PTBP3: variants seen among roughly 807,000 people sequenced by gnomAD.
The protein encoded by PTBP3 is polypyrimidine tract binding protein 3.
PTBP3 carries 20 observed loss-of-function variants against 58.7 expected under a neutral mutation model. The ratio of observed to expected loss-of-function variants is 0.34; its 90% confidence interval spans 0.24 to 0.50. PTBP3 has a LOEUF of 0.50. Among genes scored for constraint, PTBP3 ranks in the 20% least tolerant of loss-of-function variants. PTBP3 has a pLI of 0.98. For missense variants in PTBP3, 509 were observed against 637.2 expected (o/e 0.80, Z 2.17); for synonymous variants, 185 against 219.8 (o/e 0.84, Z 1.40).
chr9:112,322,038 G>A (rs1357837757), intron 1 of PTBP3, among the ~76,000 whole-genome samples: 1 of 151,044 alleles, frequency 6.6e-6, no homozygotes, highest in African/African-American at 2.4e-5. Flanking sequence ...GGGAGGCTGA[G>A]GCAGGAGAAT....
chr9:112,360,152 A>G, the PTBP3 span, among the ~76,000 whole-genome samples: 1 of 152,208 alleles, frequency 6.6e-6, no homozygotes, highest in Non-Finnish European at 1.5e-5. Context: ...GGCTTGGTAC[A>G]TTATCAGAAG....
chr9:112,256,531 A>C (rs1836372296), intron 5 of PTBP3, among the ~76,000 whole-genome samples: 1 of 151,836 alleles, frequency 6.6e-6, no homozygotes, highest in African/African-American at 2.4e-5. Context: ...AGCAATATGC[A>C]ATTTTTTTTT....
chr9:112,227,993 C>T (rs141855084), intron 11 of PTBP3, among the ~76,000 whole-genome samples: 1 of 152,066 alleles, frequency 6.6e-6, no homozygotes, highest in African/African-American at 2.4e-5. Flanking sequence ...AACAGTGAAG[C>T]CATGAACCCT....
chr9:112,268,601 T>G (rs1202526040), intron 3 of PTBP3, among the ~76,000 whole-genome samples: 31 of 106,934 alleles, frequency 2.9e-4, no homozygotes, highest in African/African-American at 4.7e-4. Flanking sequence ...GGTGGGGGGG[T>G]GAGGGAGGGG....
At chr9:112,265,882 T>C (rs930974543) in intron 4 of PTBP3, among the ~76,000 whole-genome samples, 3 of 152,214 alleles carry the variant, frequency 2.0e-5, no homozygotes, top group South Asian at 2.1e-4. Flanking sequence ...CCCTCATTCC[T>C]ACATCCAAAA....
At chr9:112,227,751 G>A (rs1167412036) in intron 11 of PTBP3, 124 bp from the exon 12 acceptor site, 2 of 744,376 alleles carry the variant, frequency 2.7e-6, no homozygotes, top group East Asian at 2.7e-5. Context: ...GTTTGAGGGT[G>A]AAAAGGGTTT....
chr9:112,329,987 AGGC>A (rs1176374617), intron 1 of PTBP3, among the ~76,000 whole-genome samples: 2 of 152,072 alleles, frequency 1.3e-5, no homozygotes, highest in Non-Finnish European at 2.9e-5. Flanking sequence ...CTGGAACTAC[AGGC>A]ACGCACCACC....
At chr9:112,341,934 T>G in the PTBP3 span, among the ~76,000 whole-genome samples, 1 of 152,222 alleles carries the variant, frequency 6.6e-6, no homozygotes, top group African/African-American at 2.4e-5. Context: ...GACAACAAGA[T>G]AGCTGGTAAG....
At chr9:112,232,942 T>G (rs908869981) in intron 8 of PTBP3, among the ~76,000 whole-genome samples, 5 of 152,148 alleles carry the variant, frequency 3.3e-5, no homozygotes, top group Non-Finnish European at 5.9e-5. Flanking sequence ...CTCTAGTTTA[T>G]GCAAAATGAA....
At chr9:112,338,673 G>T in the PTBP3 span, among the ~76,000 whole-genome samples, 1 of 152,204 alleles carries the variant, frequency 6.6e-6, no homozygotes, top group Non-Finnish European at 1.5e-5. Flanking sequence ...GACTCTGACC[G>T]ACTCTGCCCA....
At chr9:112,369,728 G>C in the PTBP3 span, among the ~76,000 whole-genome samples, 1 of 152,186 alleles carries the variant, frequency 6.6e-6, no homozygotes, top group African/African-American at 2.4e-5. Flanking sequence ...GCATGATTGT[G>C]TTTTGAAATG....
chr9:112,290,686 AAAT>A (rs1450429979), intron 2 of PTBP3, among the ~76,000 whole-genome samples: 27 of 59,840 alleles, frequency 4.5e-4, no homozygotes, highest in African/African-American at 2.3e-3. Context: ...AAAAAAAAAA[AAAT>A]ATATATATAT....
intron 1 of PTBP3, among the ~76,000 whole-genome samples, chr9:112,300,172 A>C (rs572152436): frequency 6.6e-6 from 1 of 152,320 alleles, no homozygotes; most frequent in South Asian, 2.1e-4. Flanking sequence ...AATTGGTACC[A>C]CTTGGAAAAC....
chr9:112,274,892 C>T (rs1013428168), intron 3 of PTBP3, among the ~76,000 whole-genome samples: 1 of 152,160 alleles, frequency 6.6e-6, no homozygotes, highest in African/African-American at 2.4e-5. Flanking sequence ...CACAATAAGT[C>T]CCTACTGCTT....
chr9:112,360,690 A>G, the PTBP3 span, among the ~76,000 whole-genome samples: 1 of 152,236 alleles, frequency 6.6e-6, no homozygotes, highest in Non-Finnish European at 1.5e-5. Flanking sequence ...ACTCAAATGG[A>G]AAAATTTCAA....
intron 1 of PTBP3, among the ~76,000 whole-genome samples, chr9:112,316,979 A>C (rs1416604917): frequency 6.8e-6 from 1 of 146,928 alleles, no homozygotes; most frequent in Non-Finnish European, 1.5e-5. Context: ...CTCAAAAAAA[A>C]AAAAACAGTA....
At chr9:112,331,123 ACAC>A (rs1401138330) in intron 1 of PTBP3, among the ~76,000 whole-genome samples, 1 of 150,088 alleles carries the variant, frequency 6.7e-6, no homozygotes, top group Non-Finnish European at 1.5e-5. Context: ...ACACACACAC[ACAC>A]GAGAGACAGT....
At chr9:112,373,389 T>C in the PTBP3 span, among the ~76,000 whole-genome samples, 1 of 152,154 alleles carries the variant, frequency 6.6e-6, no homozygotes. Flanking sequence ...CCTTTTCACA[T>C]TTTTTCTGCC....
intron 1 of PTBP3, among the ~76,000 whole-genome samples, chr9:112,327,216 A>G: frequency 6.6e-6 from 1 of 150,750 alleles, no homozygotes; most frequent in Admixed American, 6.6e-5. Flanking sequence ...TCAAAGAAAA[A>G]AAAAAAAATA....
Sources: allele counts gnomAD v4.1 joint callset (sites outside exome capture counted in the v4.1 genomes callset), GRCh38; gene constraint gnomAD v4.1.1; transcripts MANE v1.5; gene names NCBI Gene and HGNC (gene_info 2026-07-23, HGNC 2026-07-21).